Variants in KLHL8 observed in about 807,000 individuals in gnomAD.
KLHL8 encodes kelch like family member 8, also known as kelch-like protein 8.
In KLHL8, 38 loss-of-function variants were observed where a neutral mutation model predicts 63.5. That is an observed-to-expected ratio of 0.60 (90% CI 0.46 to 0.78). The LOEUF is 0.78. Among genes scored for constraint, KLHL8 ranks in the 30% least tolerant of loss-of-function variants. The pLI, the probability that KLHL8 is intolerant of heterozygous loss-of-function variation, is 0.00. For synonymous variants in KLHL8, 224 were observed against 254.3 expected (o/e 0.88, Z 1.13); for missense variants, 566 against 752.4 (o/e 0.75, Z 2.90).
intron 1 of KLHL8, among the ~76,000 whole-genome samples, chr4:87,205,164 T>C (rs1192932405): frequency 2.6e-5 from 4 of 152,178 alleles, no homozygotes; most frequent in Non-Finnish European, 5.9e-5. Flanking sequence ...CTCAGCACTT[T>C]GAGAGGACAA....
At chr4:87,221,563 G>T (rs143540062), upstream of KLHL8, among the ~76,000 whole-genome samples, 258 of 151,970 alleles carry the variant, frequency 1.7e-3, 1 homozygote, top group African/African-American at 5.8e-3. Flanking sequence ...TCTTTTGCCA[G>T]ACTAACCTCA....
intron 6 of KLHL8, among the ~76,000 whole-genome samples, chr4:87,173,928 T>G (rs897763517): frequency 3.3e-5 from 5 of 151,714 alleles, no homozygotes; most frequent in African/African-American, 1.2e-4. Flanking sequence ...TTCTTTTTCA[T>G]GAGGGGAAAA....
Position 87,206,141 on chromosome 4 carries a change from ATC to A in KLHL8, c.-151-10453_-151-10452del, listed in dbSNP as rs368716775. On this transcript the variant is annotated intron_variant, in intron 1 of 9. Transcript: ENST00000273963. ...ATTCTCCTGGATTCTACTTGGAAAA[ATC>A]TCTGTTCATCCATCCCTTTCTTCCT... Among the ~76,000 whole-genome samples the A allele has an allele frequency of 1.8e-4, 27 of 152,118 alleles. No individual in the cohort carries two copies. In the East Asian group the frequency reaches 5.0e-3, roughly 28 times the overall value.
chr4:87,223,680 A>T (rs1732923918), upstream of KLHL8, among the ~76,000 whole-genome samples: 1 of 151,964 alleles, frequency 6.6e-6, no homozygotes, highest in Admixed American at 6.6e-5. Context: ...TGAAAATTAA[A>T]TGAAATTTTT....
intron 2 of KLHL8, among the ~76,000 whole-genome samples, chr4:87,189,125 G>A (rs1731373525): frequency 6.6e-6 from 1 of 152,204 alleles, no homozygotes; most frequent in Non-Finnish European, 1.5e-5. Context: ...GAAAACGGAA[G>A]TGAGGTACAG....
chr4:87,197,950 T>TGGTA (rs1401540249), intron 1 of KLHL8, among the ~76,000 whole-genome samples: 1 of 88,456 alleles, frequency 1.1e-5, no homozygotes, highest in African/African-American at 4.9e-5. Context: ...TCACAGACAA[T>TGGTA]AGTAAATAAA....
At chr4:87,174,008 A>T (rs1578364050) in intron 6 of KLHL8, among the ~76,000 whole-genome samples, 1 of 152,096 alleles carries the variant, frequency 6.6e-6, no homozygotes, top group Admixed American at 6.5e-5. Flanking sequence ...AAACCAGTTG[A>T]AAATATTATT....
At chr4:87,224,835 T>G (rs1252631115), upstream of KLHL8, among the ~76,000 whole-genome samples, 4 of 152,236 alleles carry the variant, frequency 2.6e-5, no homozygotes, top group African/African-American at 4.8e-5. Flanking sequence ...GCAATCAGCC[T>G]GACATAGGTA....
At position 87,196,619 on chromosome 4, in the gene KLHL8, T is replaced by C. The variant is rs996278453; in HGVS notation, c.-151-929A>G. 7.2e-5 allele frequency among the ~76,000 whole-genome samples: 11 copies of C among 152,374 alleles called. 1 individual carries two copies. The Middle Eastern group carries it at 0.014, about 188-fold the overall frequency. The stretch of plus-strand genomic sequence containing the variant: ...ATCTCATTTTATTTGCATTTTCACA[T>C]AGAACTTATTAGTATTTACATATAA... On this transcript the variant is annotated intron_variant, in intron 1 of 9. Coordinates refer to ENST00000273963, the MANE Select transcript of KLHL8 (RefSeq NM_020803.5).
chr4:87,220,412 C>T lies in KLHL8; in HGVS notation c.-152+6G>A, dbSNP rs1256436310. 1 of 152,278 alleles carries T rather than the reference C, an allele frequency of 6.6e-6. No homozygotes were observed. Among genetic ancestry groups the T allele is most frequent in the Non-Finnish European group, 1.5e-5 (1 of 68,122 alleles). 9.4% of individuals were successfully genotyped at this position (152,278 alleles called of 1,614,324 possible). ...GGGGACTGAGGGGAGACGAGCGTCC[C>T]GTTACCTCGATCCTCGACCCTGTTC... On this transcript the variant is annotated splice_donor_region_variant and intron_variant, in intron 1 of 9. Transcript: ENST00000273963.
intron 1 of KLHL8, among the ~76,000 whole-genome samples, chr4:87,209,848 G>GTTTTTTT (rs35717106): frequency 1.3e-4 from 14 of 105,384 alleles, no homozygotes; most frequent in African/African-American, 3.9e-4. Context: ...TCCGTTTTGG[G>GTTTTTTT]TTTTTTTTTT....
intron 1 of KLHL8, among the ~76,000 whole-genome samples, chr4:87,230,917 G>A (rs578151596): frequency 2.0e-4 from 31 of 152,276 alleles, no homozygotes; most frequent in African/African-American, 6.5e-4. Flanking sequence ...ATTTTTGCAC[G>A]CGTCAATATG....
chr4:87,204,950 G>A (rs1732060485), intron 1 of KLHL8, among the ~76,000 whole-genome samples: 1 of 152,054 alleles, frequency 6.6e-6, no homozygotes, highest in Admixed American at 6.5e-5. Flanking sequence ...TAAAATTCAT[G>A]GACTTGTACC....
chr4:87,199,654 TA>T (rs35355359), intron 1 of KLHL8, among the ~76,000 whole-genome samples: 186 of 66,524 alleles, frequency 2.8e-3, no homozygotes, highest in Middle Eastern at 9.6e-3. Flanking sequence ...ACAACTCAAT[TA>T]AAAAAAAAAC....
intron 1 of KLHL8, among the ~76,000 whole-genome samples, chr4:87,200,149 A>G (rs920091853): frequency 6.6e-6 from 1 of 151,210 alleles, no homozygotes; most frequent in Non-Finnish European, 1.5e-5. Context: ...AAAAAAAAAA[A>G]AAAAAAAAAA....
intron 1 of KLHL8, chr4:87,219,883 T>C (rs2110060286): frequency 6.6e-6 from 1 of 152,310 alleles, no homozygotes; most frequent in African/African-American, 2.4e-5. Context: ...AGTGCCTTCC[T>C]CGCCTCGTCC....
intron 1 of KLHL8, among the ~76,000 whole-genome samples, chr4:87,201,076 T>C (rs1731901441): frequency 1.3e-5 from 2 of 152,192 alleles, no homozygotes; most frequent in South Asian, 4.1e-4. Context: ...TTATATGAGA[T>C]ATCTGAAGCA....
chr4:87,226,908 TATATAAATAATATATATATTA>T (rs1560723868), intron 1 of KLHL8, among the ~76,000 whole-genome samples: 22 of 40,926 alleles, frequency 5.4e-4, no homozygotes, highest in African/African-American at 2.3e-3. Context: ...TAATATATAA[TATATAAATAATATATATATTA>T]TATATAAATA....
At chr4:87,208,009 A>T (rs866929307) in intron 1 of KLHL8, 3 of 708,606 alleles carry the variant, frequency 4.2e-6, no homozygotes, top group Non-Finnish European at 7.7e-6. Flanking sequence ...CCACTTTGTC[A>T]AGATCATTTC....
Sources: gnomAD v4.1 joint callset for allele counts (sites outside exome capture counted in the v4.1 genomes callset) on GRCh38, gnomAD v4.1.1 for gene constraint, MANE v1.5 for transcripts, NCBI Gene and HGNC (gene_info 2026-07-23, HGNC 2026-07-21) for gene names.